B3GALNT1: variants seen among roughly 807,000 people sequenced by gnomAD.
B3GALNT1 encodes the protein beta-1,3-N-acetylgalactosaminyltransferase 1 (Globoside blood group).
Under a neutral mutation model 27.3 loss-of-function variants are expected in B3GALNT1, and 17 were observed. The observed-to-expected ratio is 0.62, with a 90% CI of 0.43 to 0.94. B3GALNT1 has a LOEUF of 0.94. Among genes scored for constraint, B3GALNT1 ranks in the 40% least tolerant of loss-of-function variants. The pLI is 0.00. For missense variants in B3GALNT1, 347 were observed against 390.0 expected, an observed-to-expected ratio of 0.89 and a Z score of 0.93; for synonymous variants, 141 against 144.0, an observed-to-expected ratio of 0.98 and a Z score of 0.15.
intron 4 of B3GALNT1, among the ~76,000 whole-genome samples, chr3:161,099,809 A>C (rs1033888773): frequency 2.0e-5 from 3 of 148,934 alleles, no homozygotes; most frequent in Non-Finnish European, 4.5e-5. Context: ...CCCCTTCTCT[A>C]ACACACACAC....
chr3:161,104,068 G>A, intron 2 of B3GALNT1: 5 of 290,990 alleles, frequency 1.7e-5, no homozygotes, highest in South Asian at 1.5e-4. Context: ...CAGGTCTGGA[G>A]TTATCCAATG....
intron 4 of B3GALNT1, among the ~76,000 whole-genome samples, chr3:161,095,217 T>C (rs1202295317): frequency 1.3e-5 from 2 of 152,156 alleles, no homozygotes; most frequent in Non-Finnish European, 2.9e-5. Context: ...ACCAAAAAGC[T>C]GGTTGTTGGA....
intron 4 of B3GALNT1, among the ~76,000 whole-genome samples, chr3:161,095,328 C>T (rs1727535790): frequency 6.6e-6 from 1 of 152,198 alleles, no homozygotes; most frequent in Admixed American, 6.5e-5. Flanking sequence ...CACTTATTTT[C>T]TATCACATCC....
At chr3:161,092,576 T>C (rs1355265218) in intron 4 of B3GALNT1, among the ~76,000 whole-genome samples, 2 of 152,112 alleles carry the variant, frequency 1.3e-5, no homozygotes, top group Non-Finnish European at 2.9e-5. Context: ...TTCAGGGCGA[T>C]GGAAATATAG....
intron 4 of B3GALNT1, among the ~76,000 whole-genome samples, chr3:161,087,456 A>T (rs998143788): frequency 5.3e-5 from 8 of 151,958 alleles, no homozygotes; most frequent in Admixed American, 2.0e-4. Context: ...TGCCCCAAAC[A>T]CCACCTCTCC....
chr3:161,104,505 A>C (rs1733206062), intron 1 of B3GALNT1, 99 bp from the exon 2 acceptor site: 1 of 453,942 alleles, frequency 2.2e-6, no homozygotes, highest in African/African-American at 2.1e-5. Flanking sequence ...TTCAAAGACT[A>C]CCCGTACTTG....
At chr3:161,100,222 G>T (rs1247964466) in intron 4 of B3GALNT1, among the ~76,000 whole-genome samples, 3 of 152,102 alleles carry the variant, frequency 2.0e-5, no homozygotes, top group African/African-American at 7.2e-5. Flanking sequence ...TCATAGAAAA[G>T]GTTTCATTTT....
In B3GALNT1 at chr3:161,097,748, T is replaced by C. The variant is rs561051022; in HGVS notation, c.-35+3391A>G. Among the ~76,000 whole-genome samples, 7 of 152,308 alleles carry C rather than the reference T, an allele frequency of 4.6e-5. No homozygotes were observed. The East Asian group carries it at 9.6e-4, about 21-fold the overall frequency. ...TGTCAAAAGTCTCACCATAGGCACT[T>C]GTAGCAGCTGGAGGAGAGCTGCAAA... On this transcript the variant is annotated intron_variant, in intron 4 of 4. Coordinates refer to ENST00000320474, the MANE Select transcript of B3GALNT1 (RefSeq NM_003781.4).
In B3GALNT1 at chr3:161,087,921, G is replaced by T. The variant is rs117459764; in HGVS notation, c.-34-1133C>A. On this transcript the variant is annotated intron_variant, in intron 4 of 4. Coordinates refer to ENST00000320474, the MANE Select transcript of B3GALNT1 (RefSeq NM_003781.4). ...ATGGCAGCACAGTGCAGTACACACT[G>T]TTTACATCAAATGCTAAGGAACTTT... 4.3e-4 allele frequency among the ~76,000 whole-genome samples: 66 copies of T among 152,290 alleles called. 1 individual carries two copies. In the South Asian group the frequency reaches 0.012, roughly 27 times the overall value.
chr3:161,086,008 C>G lies in B3GALNT1; in HGVS notation c.747G>C (p.Leu249Phe). 1 of 1,586,004 alleles carries G rather than the reference C, an allele frequency of 6.3e-7. No individual in the cohort carries two copies. The highest frequency in any genetic ancestry group is 8.6e-7 in the Non-Finnish European group (1 of 1,167,794). ...CCATCATTTCATAGATCCTTGGCAC[C>G]AAATCTCTGGACATTATATAACCCA... The part of the protein sequence containing the change: ...SGLGYIMSRD[L>F]VPRIYEMMGH... Residue 249 changes from leucine to phenylalanine, a missense_variant, in exon 5 of 5, where the codon TTG becomes TTC. Transcript: ENST00000320474.
intron 4 of B3GALNT1, among the ~76,000 whole-genome samples, chr3:161,088,906 A>G (rs942197195): frequency 2.6e-5 from 4 of 152,232 alleles, no homozygotes; most frequent in Admixed American, 6.5e-5. Context: ...TATAAGCCAT[A>G]GTTTCTAAAT....
intron 1 of B3GALNT1, 41 bp from the exon 2 acceptor site, chr3:161,104,447 CA>C (rs1347732312): frequency 4.2e-6 from 4 of 952,592 alleles, no homozygotes; most frequent in Non-Finnish European, 5.7e-6. Context: ...GAAAGCCCTG[CA>C]AATCTCCCTC....
At chr3:161,099,359 G>T (rs1363126655) in intron 4 of B3GALNT1, among the ~76,000 whole-genome samples, 1 of 152,178 alleles carries the variant, frequency 6.6e-6, no homozygotes, top group Non-Finnish European at 1.5e-5. Context: ...AAAAGCTAAA[G>T]ACAGCAAGAT....
rs1576640856 is a variant in B3GALNT1, at chr3:161,084,803, CTT to C, written c.*954_*955del. On this transcript the variant is annotated 3_prime_UTR_variant, in exon 5 of 5. Transcript: ENST00000320474. Reference sequence around the variant, plus strand: ...AATTCAAATGCTGGAATATGACACTCTTTTTATAATATTCTGCCCATGAGGTT... The same window carrying C: ...AATTCAAATGCTGGAATATGACACTCTTTATAATATTCTGCCCATGAGGTT... 2 of 152,282 alleles carry C rather than the reference CTT, an allele frequency of 1.3e-5. No individual in the cohort carries two copies. The highest frequency in any genetic ancestry group is 3.9e-4 in the East Asian group (2 of 5,180). The allele number at this position is 152,282 out of a possible 1,614,324, so 9.4% of individuals were successfully genotyped here.
intron 4 of B3GALNT1, among the ~76,000 whole-genome samples, chr3:161,097,394 C>CCAAATGTGTCT (rs1728777670): frequency 6.6e-6 from 1 of 152,148 alleles, no homozygotes; most frequent in Non-Finnish European, 1.5e-5. Flanking sequence ...AACCTTGCTC[C>CCAAATGTGTCT]TAACTCCCAA....
intron 4 of B3GALNT1, among the ~76,000 whole-genome samples, chr3:161,099,770 A>C (rs1033869334): frequency 1.3e-5 from 2 of 151,912 alleles, no homozygotes; most frequent in African/African-American, 4.8e-5. Flanking sequence ...TGCTAACAGA[A>C]ACTCTACAAG....
At chr3:161,102,248 C>T (rs1731731209) in intron 3 of B3GALNT1, among the ~76,000 whole-genome samples, 1 of 152,108 alleles carries the variant, frequency 6.6e-6, no homozygotes, top group Non-Finnish European at 1.5e-5. Context: ...CAATGAGATC[C>T]TACCTACCTA....
At position 161,084,894 on chromosome 3, in the gene B3GALNT1, T is replaced by C. The variant is rs767724487; in HGVS notation, c.*865A>G. ...GGAAATTACTGCCTTGCATTCTACA[T>C]TATTCCTAATTTCCAGGTGGAAAAA... On this transcript the variant is annotated 3_prime_UTR_variant, in exon 5 of 5. Transcript: ENST00000320474. The C allele has an allele frequency of 6.6e-6, 1 of 152,228 alleles. No individual in the cohort carries two copies. The highest frequency in any genetic ancestry group is 1.5e-5 in the Non-Finnish European group (1 of 68,036). The allele number at this position is 152,228 out of a possible 1,614,324, so 9.4% of individuals were successfully genotyped here. A position where few individuals can be genotyped will look rare whatever the true frequency, so the allele number is the denominator to read the frequency against.
intron 1 of B3GALNT1, chr3:161,104,969 C>T (rs1416921414): frequency 6.6e-6 from 1 of 152,320 alleles, no homozygotes; most frequent in African/African-American, 2.4e-5. Context: ...CCGCGTCGCC[C>T]ACTGCCCCAC....
Sources: gnomAD v4.1 joint callset for allele counts (sites outside exome capture counted in the v4.1 genomes callset) on GRCh38, gnomAD v4.1.1 for gene constraint, MANE v1.5 for transcripts, NCBI Gene and HGNC (gene_info 2026-07-23, HGNC 2026-07-21) for gene names.